The following PITPNB variants were observed in gnomAD, a reference collection of about 807,000 sequenced individuals.
PITPNB encodes phosphatidylinositol transfer protein beta isoform.
Under a neutral mutation model 45.9 loss-of-function variants are expected in PITPNB, and 16 were observed. The ratio of observed to expected loss-of-function variants is 0.35; its 90% CI spans 0.24 to 0.53. The LOEUF (loss-of-function observed/expected upper bound fraction) is 0.53. Among genes scored for constraint, PITPNB ranks in the 20% least tolerant of loss-of-function variants. The pLI, the probability that PITPNB is intolerant of heterozygous loss-of-function variation, is 0.93. For synonymous variants in PITPNB, 112 were observed against 108.9 expected (o/e 1.03, Z -0.18); for missense variants, 188 against 330.5 (o/e 0.57, Z 3.34).
chr22:27,903,418 G>A lies in PITPNB; in HGVS notation c.198-5526C>T, dbSNP rs1008426043. ...CGGAAGGCGGAGGTTGTGGTGAGCCGAGATCACGCCATTGCACTCTAGCCT... is the reference window on the plus strand; with the variant it reads ...CGGAAGGCGGAGGTTGTGGTGAGCCAAGATCACGCCATTGCACTCTAGCCT... On this transcript the variant is annotated intron_variant, in intron 3 of 11. Transcript: ENST00000335272. 8.8e-5 allele frequency among the ~76,000 whole-genome samples: 13 copies of A among 146,978 alleles called. No individual in the cohort carries two copies. The South Asian group carries it at 1.1e-3, about 12-fold the overall frequency.
At chr22:27,906,290 T>G (rs1438649173) in intron 3 of PITPNB, among the ~76,000 whole-genome samples, 1 of 152,234 alleles carries the variant, frequency 6.6e-6, no homozygotes, top group Non-Finnish European at 1.5e-5. Flanking sequence ...TTGTTCTGGA[T>G]GGACTTATAC....
At chr22:27,857,761 A>G (rs1934213802) in intron 10 of PITPNB, among the ~76,000 whole-genome samples, 1 of 152,220 alleles carries the variant, frequency 6.6e-6, no homozygotes, top group Non-Finnish European at 1.5e-5. Context: ...AGGAGAGAGA[A>G]GACACCCACT....
At chr22:27,853,957 T>C (rs1396808668) in intron 11 of PITPNB, among the ~76,000 whole-genome samples, 3 of 151,296 alleles carry the variant, frequency 2.0e-5, no homozygotes, top group Non-Finnish European at 4.4e-5. Flanking sequence ...TTAATGAACA[T>C]GGAATTTAAA....
At chr22:27,873,940 G>A (rs1934744348) in intron 7 of PITPNB, 125 bp from the exon 8 acceptor site, 1 of 641,576 alleles carries the variant, frequency 1.6e-6, no homozygotes, top group Middle Eastern at 2.9e-4. Flanking sequence ...CTGTGCTTTT[G>A]CGTAAAAGTA....
At chr22:27,918,920 A>C (rs540802360) in intron 1 of PITPNB, among the ~76,000 whole-genome samples, 5 of 151,348 alleles carry the variant, frequency 3.3e-5, no homozygotes, top group Non-Finnish European at 5.9e-5. Context: ...TTCCCGAGCC[A>C]TGCGCTCGGG....
intron 5 of PITPNB, 193 bp downstream of exon 5, chr22:27,896,937 A>G: frequency 1.6e-6 from 1 of 630,582 alleles, no homozygotes; most frequent in Non-Finnish European, 2.9e-6. Context: ...ATCAATAGGG[A>G]GATTTTGAGA....
chr22:27,866,957 A>T (rs1251591330), intron 8 of PITPNB, among the ~76,000 whole-genome samples: 1 of 152,068 alleles, frequency 6.6e-6, no homozygotes, highest in Non-Finnish European at 1.5e-5. Flanking sequence ...TTCAAGCAGA[A>T]CCCCATTCCC....
intron 8 of PITPNB, among the ~76,000 whole-genome samples, chr22:27,864,660 C>T (rs937675433): frequency 6.6e-6 from 1 of 152,004 alleles, no homozygotes; most frequent in Admixed American, 6.6e-5. Context: ...TTTTTTCCAG[C>T]GGTACAGTGG....
In PITPNB at chr22:27,881,298, T is replaced by C. The variant is rs182971659; in HGVS notation, c.457-7483A>G. On this transcript the variant is annotated intron_variant, in intron 7 of 11. Transcript: ENST00000335272. ...ATCACTGCTACCACAAAACGTGTAT[T>C]TGAGGTGCTTTCTCCCTAAGTTCAG... Among the ~76,000 whole-genome samples the C allele has an allele frequency of 5.4e-4, 82 of 152,292 alleles. 1 individual carries two copies. The highest frequency in any genetic ancestry group is 1.4e-3 in the Admixed American group (21 of 15,300).
At chr22:27,895,817 T>G (rs1935416196) in intron 6 of PITPNB, among the ~76,000 whole-genome samples, 1 of 152,140 alleles carries the variant, frequency 6.6e-6, no homozygotes, top group Non-Finnish European at 1.5e-5. Context: ...CCCCTAGAGA[T>G]TCTGGTTCGG....
At chr22:27,894,513 C>G (rs757582474) in intron 7 of PITPNB, 42 bp downstream of exon 7, 1 of 1,044,698 alleles carries the variant, frequency 9.6e-7, no homozygotes. Context: ...TAATTTTTAA[C>G]TGTAAAAGGG....
intron 4 of PITPNB, among the ~76,000 whole-genome samples, chr22:27,897,379 GA>G (rs1444998722): frequency 6.6e-6 from 1 of 152,122 alleles, no homozygotes; most frequent in Non-Finnish European, 1.5e-5. Context: ...ATGCTAAAAA[GA>G]ATAATAATGT....
At chr22:27,867,376 GT>G (rs1934515332) in intron 8 of PITPNB, among the ~76,000 whole-genome samples, 1 of 152,178 alleles carries the variant, frequency 6.6e-6, no homozygotes, top group Non-Finnish European at 1.5e-5. Flanking sequence ...GTCCCATCTG[GT>G]GGGGTAAATG....
intron 8 of PITPNB, among the ~76,000 whole-genome samples, chr22:27,872,081 G>GTTTTTTTTT (rs58288724): frequency 1.6e-5 from 1 of 64,366 alleles, no homozygotes; most frequent in East Asian, 6.0e-4. Flanking sequence ...ATTAAGCCTG[G>GTTTTTTTTT]TTTTTTTTTT....
chr22:27,870,511 G>T (rs1934625134), intron 8 of PITPNB, among the ~76,000 whole-genome samples: 1 of 151,574 alleles, frequency 6.6e-6, no homozygotes, highest in African/African-American at 2.4e-5. Context: ...TTGAGAGAGA[G>T]ACTGTGGAAC....
intron 1 of PITPNB, 95 bp downstream of exon 1, chr22:27,919,077 T>G: frequency 6.3e-7 from 1 of 1,597,430 alleles, no homozygotes; most frequent in African/African-American, 1.3e-5. Context: ...GACACAGGGC[T>G]GACTCCGATT....
chr22:27,875,013 C>T (rs1427472127), intron 7 of PITPNB, among the ~76,000 whole-genome samples: 1 of 152,276 alleles, frequency 6.6e-6, no homozygotes, highest in East Asian at 1.9e-4. Flanking sequence ...CAACAAAACA[C>T]GTTGAGAAGC....
intron 8 of PITPNB, among the ~76,000 whole-genome samples, chr22:27,871,453 A>C (rs1415281220): frequency 1.3e-5 from 2 of 152,204 alleles, no homozygotes; most frequent in Admixed American, 6.5e-5. Context: ...TGTCAGCTAG[A>C]GCTACTACTC....
At chr22:27,885,212 T>TAAA (rs71194746) in intron 7 of PITPNB, among the ~76,000 whole-genome samples, 5 of 30,234 alleles carry the variant, frequency 1.7e-4, no homozygotes, top group African/African-American at 2.2e-4. Flanking sequence ...AATTTATACC[T>TAAA]AAAAAAAAAA....
Sources: gnomAD v4.1 joint callset for allele counts (sites outside exome capture counted in the v4.1 genomes callset) on GRCh38, gnomAD v4.1.1 for gene constraint, MANE v1.5 for transcripts, NCBI Gene and HGNC (gene_info 2026-07-23, HGNC 2026-07-21) for gene names.